OTUD7A: variants seen among roughly 807,000 people sequenced by gnomAD.
The protein encoded by OTUD7A is OTU domain-containing protein 7A.
Under a neutral mutation model 65.7 loss-of-function variants are expected in OTUD7A, and 12 were observed. The observed-to-expected ratio is 0.18, with a 90% CI of 0.12 to 0.30. The LOEUF is 0.30. Among genes scored for constraint, OTUD7A ranks in the 10% least tolerant of loss-of-function variants. The pLI, the probability that OTUD7A is intolerant of heterozygous loss-of-function variation, is 1.00. For synonymous variants in OTUD7A, 641 were observed against 586.3 expected (o/e 1.09, Z -1.35); for missense variants, 1,148 against 1,304.8 (o/e 0.88, Z 1.85).
rs763218341 is a variant in OTUD7A, at chr15:31,483,463, G to C, written c.2633C>G (p.Thr878Ser). The change falls in exon 13 of 13, where the codon ACC (threonine) becomes AGC (serine). Residue 878 changes from threonine (T) to serine (S), a missense_variant. Transcript: ENST00000307050. ...GCCGCACTCACCGTTCGAGCGCGCG[G>C]TCGGCGCGTCGGCGTCGGCGAACTC... ...GLEFADADAP[T>S]ARSNGECGRG... 51 of 1,379,854 alleles carry C rather than the reference G, an allele frequency of 3.7e-5. No individual in the cohort carries two copies. The African/African-American group carries it at 6.3e-4, about 17-fold the overall frequency. The allele number at this position is 1,379,854 out of a possible 1,614,324, so 85.5% of individuals were successfully genotyped here.
chr15:31,517,204 C>A (rs2041871773), intron 8 of OTUD7A, among the ~76,000 whole-genome samples: 1 of 152,162 alleles, frequency 6.6e-6, no homozygotes, highest in African/African-American at 2.4e-5. Flanking sequence ...TGTCCAGGTC[C>A]CTTTTCATTT....
At chr15:31,723,945 TCTTA>T (rs1566989467) in intron 1 of OTUD7A, among the ~76,000 whole-genome samples, 1 of 117,970 alleles carries the variant, frequency 8.5e-6, no homozygotes, top group African/African-American at 3.3e-5. Flanking sequence ...TGGACATCTT[TCTTA>T]TTTTGTTTGC....
chr15:31,860,701 G>C (rs11853800), intron 1 of OTUD7A, among the ~76,000 whole-genome samples: 1 of 30,838 alleles, frequency 3.2e-5, no homozygotes, highest in Non-Finnish European at 7.8e-5. Flanking sequence ...ATATATATAT[G>C]TATGTATATA....
At chr15:31,757,871 G>A (rs1404830655) in intron 1 of OTUD7A, among the ~76,000 whole-genome samples, 1 of 152,170 alleles carries the variant, frequency 6.6e-6, no homozygotes, top group African/African-American at 2.4e-5. Flanking sequence ...AGGATGTGAA[G>A]AGGCTTTCAC....
intron 5 of OTUD7A, among the ~76,000 whole-genome samples, chr15:31,540,337 A>G (rs1241655927): frequency 1.1e-4 from 16 of 152,220 alleles, no homozygotes; most frequent in Non-Finnish European, 1.5e-5. Flanking sequence ...ATAAAGACCA[A>G]CTGATTCAAG....
chr15:31,794,119 C>T (rs543015276), intron 1 of OTUD7A, among the ~76,000 whole-genome samples: 1 of 152,286 alleles, frequency 6.6e-6, no homozygotes, highest in African/African-American at 2.4e-5. Context: ...TGGTATGGCT[C>T]TAGGTTCATT....
At chr15:31,557,347 G>C (rs1888530364) in intron 5 of OTUD7A, 1 of 152,268 alleles carries the variant, frequency 6.6e-6, no homozygotes. Context: ...TGACTTTCTG[G>C]ATGTTTCCCA....
At chr15:31,497,950 G>A (rs909273141) in intron 10 of OTUD7A, among the ~76,000 whole-genome samples, 1 of 152,212 alleles carries the variant, frequency 6.6e-6, no homozygotes, top group African/African-American at 2.4e-5. Flanking sequence ...TGAGCATGAA[G>A]GTGGGGTGCA....
At chr15:31,774,631 T>C (rs1186887302) in intron 1 of OTUD7A, among the ~76,000 whole-genome samples, 1 of 152,194 alleles carries the variant, frequency 6.6e-6, no homozygotes, top group Non-Finnish European at 1.5e-5. Context: ...TCTCAGATAC[T>C]TACTGCTAGT....
chr15:31,613,490 C>T (rs929220519), intron 3 of OTUD7A, among the ~76,000 whole-genome samples: 10 of 152,092 alleles, frequency 6.6e-5, no homozygotes, highest in Admixed American at 3.9e-4. Flanking sequence ...GGGCTAAGGA[C>T]ATGAACAGAC....
intron 1 of OTUD7A, among the ~76,000 whole-genome samples, chr15:31,709,806 A>G (rs1226400531): frequency 6.6e-6 from 1 of 152,196 alleles, no homozygotes; most frequent in East Asian, 1.9e-4. Flanking sequence ...ATATGCAAAT[A>G]TATGTGTATA....
intron 1 of OTUD7A, among the ~76,000 whole-genome samples, chr15:31,826,368 T>C (rs1896797942): frequency 6.6e-6 from 1 of 152,260 alleles, no homozygotes; most frequent in South Asian, 2.1e-4. Context: ...TTGCACCATC[T>C]GAAGCCACAG....
At chr15:31,594,584 G>A (rs979839001) in intron 3 of OTUD7A, among the ~76,000 whole-genome samples, 2 of 152,190 alleles carry the variant, frequency 1.3e-5, no homozygotes, top group Admixed American at 6.5e-5. Context: ...GAGAGCTGGC[G>A]TGGGTGGCCA....
At chr15:31,623,453 C>A (rs965234517) in intron 3 of OTUD7A, among the ~76,000 whole-genome samples, 1 of 152,222 alleles carries the variant, frequency 6.6e-6, no homozygotes, top group African/African-American at 2.4e-5. Flanking sequence ...CCTACTCAAG[C>A]CTGAGCAATG....
intron 1 of OTUD7A, among the ~76,000 whole-genome samples, chr15:31,838,110 T>TA (rs1897099043): frequency 6.6e-6 from 1 of 152,132 alleles, no homozygotes; most frequent in African/African-American, 2.4e-5. Flanking sequence ...TCATGTCTTA[T>TA]AAAAAATAAT....
chr15:31,559,258 C>T, intron 4 of OTUD7A, 71 bp from the exon 5 acceptor site: 1 of 1,395,486 alleles, frequency 7.2e-7, no homozygotes, highest in East Asian at 2.4e-5. Context: ...TACATAAACA[C>T]ACATACTATG....
At chr15:31,852,311 A>AG (rs547878129) in intron 1 of OTUD7A, among the ~76,000 whole-genome samples, 10 of 152,348 alleles carry the variant, frequency 6.6e-5, no homozygotes, top group African/African-American at 2.2e-4. Flanking sequence ...GGCCAGGCTG[A>AG]AGGGAAATCT....
At chr15:31,501,909 C>T (rs898642209) in intron 9 of OTUD7A, 70 bp from the exon 10 acceptor site, 51 of 1,502,150 alleles carry the variant, frequency 3.4e-5, no homozygotes, top group Non-Finnish European at 4.4e-5. Flanking sequence ...GCCCCTGCAT[C>T]CCTGTCCCTC....
intron 1 of OTUD7A, among the ~76,000 whole-genome samples, chr15:31,808,098 A>AACACACACACACACACAC (rs55911531): frequency 2.2e-4 from 21 of 95,800 alleles, no homozygotes; most frequent in African/African-American, 5.6e-4. Flanking sequence ...ACAAATGCCA[A>AACACACACACACACACAC]ACACACACAC....
Sources: gnomAD v4.1 joint callset for allele counts (sites outside exome capture counted in the v4.1 genomes callset) on GRCh38, gnomAD v4.1.1 for gene constraint, MANE v1.5 for transcripts, NCBI Gene and HGNC (gene_info 2026-07-23, HGNC 2026-07-21) for gene names.